The following APOL6 variants were observed in gnomAD, a reference collection of about 807,000 sequenced individuals.
APOL6 encodes apolipoprotein L6.
A neutral mutation model predicts 2.4 loss-of-function variants in APOL6; 1 was observed. The ratio of observed to expected loss-of-function variants is 0.41; its 90% confidence interval spans 0.15 to 1.94. The LOEUF (loss-of-function observed/expected upper bound fraction) is 1.94. Among genes scored for constraint, APOL6 ranks in the 30% most tolerant of loss-of-function variants. The pLI, the probability that APOL6 is intolerant of heterozygous loss-of-function variation, is 0.30. For synonymous variants in APOL6, 189 were observed against 169.3 expected (o/e 1.12, Z -0.90); for missense variants, 438 against 429.2 (o/e 1.02, Z -0.18).
At chr22:35,654,569 C>T (rs1924794207) in intron 1 of APOL6, among the ~76,000 whole-genome samples, 1 of 151,362 alleles carries the variant, frequency 6.6e-6, no homozygotes, top group African/African-American at 2.4e-5. Flanking sequence ...TATATACACA[C>T]ACACACATAC....
rs375304397 is a variant in APOL6 at position 35,659,938 on chromosome 22, G to A, written c.*342G>A. ...GCACCACCACGCCCAGCTAATTTTG[G>A]TATTTTTTTGTAGAGACAGGGTTTC... is the stretch of plus-strand genomic sequence containing the variant. On this transcript the variant is annotated 3_prime_UTR_variant, in exon 3 of 3. Coordinates refer to ENST00000409652, the MANE Select transcript of APOL6 (RefSeq NM_030641.4). 4.4e-4 allele frequency: 95 copies of A among 214,468 alleles called. 1 individual carries two copies. The highest frequency in any genetic ancestry group is 2.2e-3 in the Admixed American group (43 of 19,666). The allele number at this position is 214,468 out of a possible 1,614,324, so 13.3% of individuals were successfully genotyped here.
intron 1 of APOL6, among the ~76,000 whole-genome samples, chr22:35,654,599 C>T (rs1001325): frequency 0.027 from 4,129 of 151,202 alleles, 96 homozygotes; most frequent in Non-Finnish European, 0.039. Context: ...TATATACACA[C>T]GTATATGTAA....
In APOL6 at chr22:35,656,273, TGTGGTTGTTATTTTGATA is replaced by T. The variant is rs1924842175; in HGVS notation, c.-47-103_-47-86del. The T allele has an allele frequency of 7.3e-6, 6 of 823,314 alleles. No individual in the cohort carries two copies. In the Admixed American group the frequency reaches 1.2e-4, roughly 16 times the overall value. The allele number at this position is 823,314 out of a possible 1,614,324, so 51.0% of individuals were successfully genotyped here. ...TAGTTTGCAAATATTTAGTATGCTATGTGGTTGTTATTTTGATAGTACATAATCCAAAATCCCTCCACA... is the reference window on the plus strand; with the variant it reads ...TAGTTTGCAAATATTTAGTATGCTATGTACATAATCCAAAATCCCTCCACA... On this transcript the variant is annotated intron_variant, in intron 1 of 2. Transcript: ENST00000409652.
Position 35,667,677 on chromosome 22 carries a change from C to T in APOL6, c.*8081C>T, listed in dbSNP as rs139968791. On this transcript the variant is annotated 3_prime_UTR_variant, in exon 3 of 3. Transcript: ENST00000409652. ...GCTGTAGAAGCTACATAGTTGTAGACCAGGGTCAGCAACCCAAGAAGCCTG... is the reference window on the plus strand; with the variant it reads ...GCTGTAGAAGCTACATAGTTGTAGATCAGGGTCAGCAACCCAAGAAGCCTG... 6.6e-6 allele frequency: 1 copy of T among 152,212 alleles called. No individual in the cohort carries two copies. The highest frequency in any genetic ancestry group is 2.4e-5 in the African/African-American group (1 of 41,448). 9.4% of individuals were successfully genotyped at this position (152,212 alleles called of 1,614,324 possible). A position where few individuals can be genotyped will look rare whatever the true frequency, so the allele number is the denominator to read the frequency against.
intron 1 of APOL6, among the ~76,000 whole-genome samples, chr22:35,654,496 C>T (rs1337908763): frequency 6.6e-6 from 1 of 151,620 alleles, no homozygotes; most frequent in Non-Finnish European, 1.5e-5. Context: ...GTTTTAAGAG[C>T]CCTGTGCCAG....
chr22:35,659,179 G>A lies in APOL6; in HGVS notation c.615G>A (p.Leu205=), dbSNP rs753772999. The A allele has an allele frequency of 2.5e-6, 4 of 1,614,176 alleles. No individual in the cohort carries two copies. The highest frequency in any genetic ancestry group is 3.4e-6 in the Non-Finnish European group (4 of 1,180,026). ...TGGCCAATGCTACCAAGCGTCTTCT[G>A]ACCACTGGCCAAGTCTCCTCCCGGA... is the stretch of plus-strand genomic sequence containing the variant. The part of the protein sequence containing the change: ...PRLANATKRL[L]TTGQVSSRSR... Residue 205 remains leucine (L), a synonymous_variant, in exon 3 of 3, where the codon CTG becomes CTA. Coordinates refer to ENST00000409652, the MANE Select transcript of APOL6 (RefSeq NM_030641.4).
rs1018044466 is a variant in APOL6, at chr22:35,662,526, G to A, written c.*2930G>A. ...AACTGTTTGTGTCTCACCTATCTGT[G>A]ACCTGGAAGCTCCCTCCCCACTGAA... On this transcript the variant is annotated 3_prime_UTR_variant, in exon 3 of 3. Coordinates refer to ENST00000409652, the MANE Select transcript of APOL6 (RefSeq NM_030641.4). 2 of 152,162 alleles carry A rather than the reference G, an allele frequency of 1.3e-5. No individual in the cohort carries two copies. The highest frequency in any genetic ancestry group is 4.8e-5 in the African/African-American group (2 of 41,418). The allele number at this position is 152,162 out of a possible 1,614,324, so 9.4% of individuals were successfully genotyped here. A position where few individuals can be genotyped will look rare whatever the true frequency, so the allele number is the denominator to read the frequency against.
chr22:35,655,398 G>A (rs191160483), intron 1 of APOL6, among the ~76,000 whole-genome samples: 1 of 151,988 alleles, frequency 6.6e-6, no homozygotes, highest in African/African-American at 2.4e-5. Flanking sequence ...GTCAATAATC[G>A]CACTACCCGA....
Position 35,664,786 on chromosome 22 carries a change from A to T in APOL6, c.*5190A>T, listed in dbSNP as rs1399440437. The T allele has an allele frequency of 6.6e-6, 1 of 151,796 alleles. No individual in the cohort carries two copies. The highest frequency in any genetic ancestry group is 1.5e-5 in the Non-Finnish European group (1 of 67,944). 9.4% of individuals were successfully genotyped at this position (151,796 alleles called of 1,614,324 possible). A position where few individuals can be genotyped will look rare whatever the true frequency, so the allele number is the denominator to read the frequency against. On this transcript the variant is annotated 3_prime_UTR_variant, in exon 3 of 3. Coordinates refer to ENST00000409652, the MANE Select transcript of APOL6 (RefSeq NM_030641.4). Reference sequence around the variant, plus strand: ...ATCTTGTAGGAAAACATTGTTGCTTAAAAAAAAGTGTGTCCTTTTTTAAAA... The same window carrying T: ...ATCTTGTAGGAAAACATTGTTGCTTTAAAAAAAGTGTGTCCTTTTTTAAAA...
chr22:35,652,012 C>T (rs1460792883), intron 1 of APOL6, among the ~76,000 whole-genome samples: 1 of 152,206 alleles, frequency 6.6e-6, no homozygotes, highest in Non-Finnish European at 1.5e-5. Flanking sequence ...ACAGTCCAAC[C>T]AACAGTGTAA....
chr22:35,658,872 G>A lies in APOL6; in HGVS notation c.308G>A (p.Gly103Glu), dbSNP rs747079013. ...GGTTTAGCCCTTGCCCCAGCAACAG[G>A]AGGAGGAAGCCTGCTGCTCTCCACC... ...LLGLALAPAT[G>E]GGSLLLSTAG... Residue 103 changes from glycine to glutamate, a missense_variant, in exon 3 of 3, where the codon GGA (glycine) becomes GAA (glutamate). Coordinates refer to ENST00000409652, the MANE Select transcript of APOL6 (RefSeq NM_030641.4). The A allele has an allele frequency of 5.0e-6, 8 of 1,614,024 alleles. No homozygotes were observed. Among genetic ancestry groups the A allele is most frequent in the Non-Finnish European group, 6.8e-6 (8 of 1,180,042 alleles).
At chr22:35,657,144 G>A (rs577167787) in intron 2 of APOL6, among the ~76,000 whole-genome samples, 15 of 152,326 alleles carry the variant, frequency 9.8e-5, no homozygotes, top group South Asian at 4.1e-4. Context: ...ACACAGTGGC[G>A]TTGTTGATCT....
chr22:35,659,441 C>T lies in APOL6; in HGVS notation c.877C>T (p.Gln293Ter). The change falls in exon 3 of 3, where the codon CAG (glutamine) becomes TAG (stop). Residue 293 changes from glutamine to a stop codon, truncating the protein, a stop_gained. Coordinates refer to ENST00000409652, the MANE Select transcript of APOL6 (RefSeq NM_030641.4). LOFTEE classifies it low-confidence loss of function (END_TRUNC). ...TELTQLYKSL[Q>*]QKVRSRARGV... ...ACTCACCCAGCTCTACAAGAGCTTG[C>T]AGCAGAAAGTGAGGTCAAGGGCCAG... 6.2e-7 allele frequency: 1 copy of T among 1,613,746 alleles called. No individual in the cohort carries two copies. Among genetic ancestry groups the T allele is most frequent in the Non-Finnish European group, 8.5e-7 (1 of 1,179,988 alleles).
chr22:35,652,774 G>C (rs1924732587), intron 1 of APOL6, among the ~76,000 whole-genome samples: 1 of 151,940 alleles, frequency 6.6e-6, no homozygotes, highest in Non-Finnish European at 1.5e-5. Context: ...TTTGGTACCA[G>C]TACCATGCTG....
chr22:35,668,367 T>G lies in APOL6; in HGVS notation c.*8771T>G, dbSNP rs5999926. ...CCTGAGGGCTGTGTCACAGGCCATG[T>G]TCACTTACATTTGGCTCAGAATAAA... On this transcript the variant is annotated 3_prime_UTR_variant, in exon 3 of 3. Coordinates refer to ENST00000409652, the MANE Select transcript of APOL6 (RefSeq NM_030641.4). 0.11 allele frequency: 16,038 copies of G among 152,226 alleles called. 1,086 individuals carry two copies. The highest frequency in any genetic ancestry group is 0.19 in the East Asian group (1,002 of 5,182). 9.4% of individuals were successfully genotyped at this position (152,226 alleles called of 1,614,324 possible). A position where few individuals can be genotyped will look rare whatever the true frequency, so the allele number is the denominator to read the frequency against.
intron 2 of APOL6, among the ~76,000 whole-genome samples, chr22:35,656,863 T>C (rs1161646479): frequency 6.6e-6 from 1 of 152,226 alleles, no homozygotes; most frequent in East Asian, 1.9e-4. Context: ...AGCCCAGTTG[T>C]CTGTAAATCA....
rs1925037276 is a variant in APOL6, at chr22:35,661,876, T to G, written c.*2280T>G. 6.6e-6 allele frequency: 1 copy of G among 152,142 alleles called. No homozygotes were observed. The highest frequency in any genetic ancestry group is 2.4e-5 in the African/African-American group (1 of 41,430). The allele number at this position is 152,142 out of a possible 1,614,324, so 9.4% of individuals were successfully genotyped here. Reference sequence around the variant, plus strand: ...TTTCTTCCTTCAGTATATTAGGCAATAGGAATTTTTCAAGTCCACTATAAA... The same window carrying G: ...TTTCTTCCTTCAGTATATTAGGCAAGAGGAATTTTTCAAGTCCACTATAAA... On this transcript the variant is annotated 3_prime_UTR_variant, in exon 3 of 3. Coordinates refer to ENST00000409652, the MANE Select transcript of APOL6 (RefSeq NM_030641.4).
rs1480570400 is a variant in APOL6 at position 35,658,690 on chromosome 22, T to G, written c.126T>G (p.Phe42Leu). The G allele has an allele frequency of 6.2e-7, 1 of 1,614,030 alleles. No homozygotes were observed. Among genetic ancestry groups the G allele is most frequent in the African/African-American group, 1.3e-5 (1 of 74,920 alleles). ...ATCTGTCCCCCGAAGAAAAAATATTTTTGAGAGAATTTCCCAGATTGAAAG... is the reference window on the plus strand; with the variant it reads ...ATCTGTCCCCCGAAGAAAAAATATTGTTGAGAGAATTTCCCAGATTGAAAG... The part of the protein sequence containing the change: ...DGDLSPEEKI[F>L]LREFPRLKED... Residue 42 changes from phenylalanine (F) to leucine (L), a missense_variant, in exon 3 of 3, where the codon TTT becomes TTG. Coordinates refer to ENST00000409652, the MANE Select transcript of APOL6 (RefSeq NM_030641.4).
intron 2 of APOL6, among the ~76,000 whole-genome samples, chr22:35,657,507 A>G (rs1476404927): frequency 6.6e-6 from 1 of 152,204 alleles, no homozygotes; most frequent in Non-Finnish European, 1.5e-5. Context: ...GGACATACAT[A>G]TACTTCAATG....
Sources: allele counts gnomAD v4.1 joint callset (sites outside exome capture counted in the v4.1 genomes callset), GRCh38; gene constraint gnomAD v4.1.1; transcripts MANE v1.5; gene names NCBI Gene and HGNC (gene_info 2026-07-23, HGNC 2026-07-21).